Variants in TMEM26 observed in about 807,000 individuals in gnomAD.
The protein encoded by TMEM26 is transmembrane protein 26.
Under a neutral mutation model 28.8 loss-of-function variants are expected in TMEM26, and 38 were observed. The ratio of observed to expected loss-of-function variants is 1.32; its 90% CI spans 1.02 to 1.73. The LOEUF is 1.73. TMEM26 is among the 40% of genes most tolerant of loss of function. The pLI is 0.00. For missense variants in TMEM26, 518 were observed against 447.1 expected (o/e 1.16, Z -1.43); for synonymous variants, 227 against 182.9 (o/e 1.24, Z -1.95).
Position 61,436,260 on chromosome 10 carries a change from G to T in TMEM26, c.192-12C>A. 1 of 1,506,548 alleles carries T rather than the reference G, an allele frequency of 6.6e-7. No homozygotes were observed. The highest frequency in any genetic ancestry group is 8.9e-7 in the Non-Finnish European group (1 of 1,117,914). 93.3% of individuals were successfully genotyped at this position (1,506,548 alleles called of 1,614,324 possible). ...TGGCTGGTGAAAACCTGTGAAAAGA[G>T]AGAAGAAAAAATAGTTTAGCTAATT... On this transcript the variant is annotated splice_polypyrimidine_tract_variant and intron_variant, in intron 1 of 5. Transcript: ENST00000399298.
At chr10:61,413,074 C>G (rs1589024317) in intron 5 of TMEM26, 1 of 645,508 alleles carries the variant, frequency 1.5e-6, no homozygotes, top group Admixed American at 3.7e-5. Context: ...GCTAAGCAAA[C>G]TGTATATTAC....
In TMEM26 at chr10:61,429,156, A is replaced by G. The variant is rs1839880952; in HGVS notation, c.385-10T>C. ...TCACAAAAACTTTGGCCTGTTTAAC[A>G]GAAATGTCATACAGACAGGATTATC... On this transcript the variant is annotated splice_polypyrimidine_tract_variant and intron_variant, in intron 3 of 5. Coordinates refer to ENST00000399298, the MANE Select transcript of TMEM26 (RefSeq NM_178505.8). 1 of 1,609,030 alleles carries G rather than the reference A, an allele frequency of 6.2e-7. No individual in the cohort carries two copies. Among genetic ancestry groups the G allele is most frequent in the Non-Finnish European group, 8.5e-7 (1 of 1,176,762 alleles).
At chr10:61,419,053 G>T (rs1171427166) in intron 4 of TMEM26, among the ~76,000 whole-genome samples, 2 of 151,966 alleles carry the variant, frequency 1.3e-5, no homozygotes, top group African/African-American at 2.4e-5. Context: ...CTAAGACATC[G>T]AACTAAAAAT....
At chr10:61,429,373 T>C (rs1336313218) in intron 3 of TMEM26, among the ~76,000 whole-genome samples, 1 of 152,102 alleles carries the variant, frequency 6.6e-6, no homozygotes, top group Non-Finnish European at 1.5e-5. Flanking sequence ...AGCAAGTAAT[T>C]TGAGCCTTAA....
rs1839545814 is a variant in TMEM26 at position 61,410,260 on chromosome 10, ATCCT to A, written c.*58_*61del. On this transcript the variant is annotated 3_prime_UTR_variant, in exon 6 of 6. Coordinates refer to ENST00000399298, the MANE Select transcript of TMEM26 (RefSeq NM_178505.8). ...ACGCCAAGGTTGGAGGAGAAAAAGG[ATCCT>A]CCCTGTAAGAAGAACCAGGGAGTCA... 6.8e-7 allele frequency: 1 copy of A among 1,480,422 alleles called. No individual in the cohort carries two copies. Among genetic ancestry groups the A allele is most frequent in the Admixed American group, 2.2e-5 (1 of 45,264 alleles). 91.7% of individuals were successfully genotyped at this position (1,480,422 alleles called of 1,614,324 possible). A position where few individuals can be genotyped will look rare whatever the true frequency, so the allele number is the denominator to read the frequency against.
At position 61,431,297 on chromosome 10, in the gene TMEM26, A is replaced by G. The variant is rs751165607; in HGVS notation, c.306T>C (p.Asn102=). Residue 102 remains asparagine, a synonymous_variant, in exon 3 of 6, where the codon AAT becomes AAC. Coordinates refer to ENST00000399298, the MANE Select transcript of TMEM26 (RefSeq NM_178505.8). ...CSIQAEGTSQ[N]TSRKEDFNQT... The stretch of plus-strand genomic sequence containing the variant: ...GATTGAAGTCTTCTTTTCTGCTGGT[A>G]TTCTGTGATGTTCCTTCAGCCTGGA... The G allele has an allele frequency of 7.4e-6, 12 of 1,613,138 alleles. No homozygotes were observed. Among genetic ancestry groups the G allele is most frequent in the South Asian group, 1.1e-5 (1 of 91,060 alleles).
At chr10:61,412,421 G>C (rs1839582151) in intron 5 of TMEM26, among the ~76,000 whole-genome samples, 1 of 152,100 alleles carries the variant, frequency 6.6e-6, no homozygotes, top group African/African-American at 2.4e-5. Flanking sequence ...GCCTACAAAA[G>C]TGAACCAAAA....
At chr10:61,411,011 T>C (rs1417259643) in intron 5 of TMEM26, among the ~76,000 whole-genome samples, 1 of 152,190 alleles carries the variant, frequency 6.6e-6, no homozygotes, top group African/African-American at 2.4e-5. Flanking sequence ...AAATAGATTC[T>C]AGGAGCCAGT....
intron 4 of TMEM26, among the ~76,000 whole-genome samples, chr10:61,420,541 T>C (rs1839728272): frequency 6.6e-6 from 1 of 152,156 alleles, no homozygotes; most frequent in Non-Finnish European, 1.5e-5. Context: ...TATATATTTG[T>C]ATATATATGT....
chr10:61,414,203 T>A, intron 4 of TMEM26: 1 of 325,328 alleles, frequency 3.1e-6, no homozygotes, highest in Non-Finnish European at 4.4e-6. Flanking sequence ...CAGACAAATA[T>A]ACAAATGTCC....
In TMEM26 at chr10:61,407,786, G is replaced by A. The variant is rs1003569729; in HGVS notation, c.*2536C>T. 2.6e-5 allele frequency: 4 copies of A among 152,148 alleles called. No individual in the cohort carries two copies. Among genetic ancestry groups the A allele is most frequent in the African/African-American group, 9.6e-5 (4 of 41,452 alleles). The allele number at this position is 152,148 out of a possible 1,614,324, so 9.4% of individuals were successfully genotyped here. On this transcript the variant is annotated 3_prime_UTR_variant, in exon 6 of 6. Transcript: ENST00000399298. ...GGAGTGACCTACTGTGTGTTGGGGG[G>A]AGGGGTTATGATAGAGAGGATGACT...
At chr10:61,412,981 A>T (rs1230836348) in intron 5 of TMEM26, 1 of 1,273,314 alleles carries the variant, frequency 7.9e-7, no homozygotes, top group South Asian at 1.3e-5. Flanking sequence ...ATGTCTTCTG[A>T]AGTTCTAATA....
Position 61,409,425 on chromosome 10 carries a change from A to C in TMEM26, c.*897T>G, listed in dbSNP as rs1839536185. The C allele has an allele frequency of 6.6e-6, 1 of 152,230 alleles. No homozygotes were observed. Among genetic ancestry groups the C allele is most frequent in the Non-Finnish European group, 1.5e-5 (1 of 68,076 alleles). The allele number at this position is 152,230 out of a possible 1,614,324, so 9.4% of individuals were successfully genotyped here. A position where few individuals can be genotyped will look rare whatever the true frequency, so the allele number is the denominator to read the frequency against. On this transcript the variant is annotated 3_prime_UTR_variant, in exon 6 of 6. Transcript: ENST00000399298. ...GCTTTGTTCACTACTGCTGGCAGAC[A>C]CCAGAAACCATGGAAACACTTACAG...
Position 61,429,017 on chromosome 10 carries a change from C to T in TMEM26, c.514G>A (p.Asp172Asn). 1 of 1,613,324 alleles carries T rather than the reference C, an allele frequency of 6.2e-7. No homozygotes were observed. Among genetic ancestry groups the T allele is most frequent in the Non-Finnish European group, 8.5e-7 (1 of 1,179,466 alleles). The change falls in exon 4 of 6, where the codon GAT (aspartate) becomes AAT (asparagine). Residue 172 changes from aspartate (D) to asparagine (N), a missense_variant. Coordinates refer to ENST00000399298, the MANE Select transcript of TMEM26 (RefSeq NM_178505.8). ...ATAAGAAGAAGTTGAGAGAGTTGAT[C>T]TCGAGTGATCCCGCCTCCAATGGGT... ...LLPIGGGITR[D>N]QLSQLLLMFV...
chr10:61,413,369 A>G, intron 5 of TMEM26, 90 bp downstream of exon 5: 1 of 1,535,888 alleles, frequency 6.5e-7, no homozygotes, highest in Non-Finnish European at 8.7e-7. Flanking sequence ...CAGACATGAT[A>G]ATCCTTTCAC....
At chr10:61,440,560 T>C (rs1840076323) in intron 1 of TMEM26, among the ~76,000 whole-genome samples, 1 of 145,394 alleles carries the variant, frequency 6.9e-6, no homozygotes, top group Admixed American at 6.9e-5. Flanking sequence ...ACTGAAGCCC[T>C]CACATATGTA....
In TMEM26 at chr10:61,453,110, C is replaced by T. The variant is rs777444610; in HGVS notation, c.-29G>A. 3.6e-5 allele frequency: 58 copies of T among 1,600,402 alleles called. 1 individual carries two copies. The South Asian group carries it at 4.5e-4, about 12-fold the overall frequency. On this transcript the variant is annotated 5_prime_UTR_variant, in exon 1 of 6. Transcript: ENST00000399298. ...GGCCGGAGCACTCTGCCTACGTCCCCTTGCCTGCGCCCCCAGGACCCTGCC... is the reference window on the plus strand; with the variant it reads ...GGCCGGAGCACTCTGCCTACGTCCCTTTGCCTGCGCCCCCAGGACCCTGCC...
chr10:61,410,610 G>A lies in TMEM26; in HGVS notation c.819C>T (p.Leu273=). 6.2e-7 allele frequency: 1 copy of A among 1,614,130 alleles called. No individual in the cohort carries two copies. The highest frequency in any genetic ancestry group is 1.1e-5 in the South Asian group (1 of 91,070). The change falls in exon 6 of 6, where the codon CTC becomes CTT. Residue 273 remains leucine, a synonymous_variant. Coordinates refer to ENST00000399298, the MANE Select transcript of TMEM26 (RefSeq NM_178505.8). ...TCACTTTGAAATAGGTCATCAGTATGAGACGCACGACAAGGAAGGGGCCAT... is the reference window on the plus strand; with the variant it reads ...TCACTTTGAAATAGGTCATCAGTATAAGACGCACGACAAGGAAGGGGCCAT... ...IQDGPFLVVR[L]ILMTYFKVIN...
At chr10:61,428,112 T>C (rs1233571087) in intron 4 of TMEM26, among the ~76,000 whole-genome samples, 2 of 152,166 alleles carry the variant, frequency 1.3e-5, no homozygotes. Context: ...TTGAGCTTTA[T>C]GTTTTGTTGT....
Sources: allele counts gnomAD v4.1 joint callset (sites outside exome capture counted in the v4.1 genomes callset), GRCh38; gene constraint gnomAD v4.1.1; transcripts MANE v1.5; gene names NCBI Gene and HGNC (gene_info 2026-07-23, HGNC 2026-07-21).